Variants in GDAP2 observed in about 807,000 individuals in gnomAD.
The protein encoded by GDAP2 is ganglioside induced differentiation associated protein 2.
Under a neutral mutation model 67.0 loss-of-function variants are expected in GDAP2, and 51 were observed. The observed-to-expected ratio is 0.76, with a 90% CI of 0.61 to 0.96. The LOEUF is 0.96. Ranked by LOEUF, GDAP2 falls within the 40% of genes least tolerant of loss-of-function variation. GDAP2 has a pLI of 0.00. For missense variants in GDAP2, 547 were observed against 588.3 expected (o/e 0.93, Z 0.73); for synonymous variants, 203 against 207.3 (o/e 0.98, Z 0.18).
intron 3 of GDAP2, among the ~76,000 whole-genome samples, chr1:117,915,561 G>T (rs1357189683): frequency 6.6e-6 from 1 of 152,136 alleles, no homozygotes; most frequent in Admixed American, 6.5e-5. Flanking sequence ...TGCTGAAGAA[G>T]GCAAATTGCA....
At chr1:117,875,564 C>T (rs1006739884) in intron 13 of GDAP2, among the ~76,000 whole-genome samples, 3 of 152,180 alleles carry the variant, frequency 2.0e-5, no homozygotes, top group Admixed American at 6.5e-5. Context: ...CCCGTCCAGA[C>T]CCAGAATTTC....
chr1:117,908,409 C>T (rs943864738), intron 5 of GDAP2, among the ~76,000 whole-genome samples: 1 of 152,160 alleles, frequency 6.6e-6, no homozygotes, highest in Non-Finnish European at 1.5e-5. Context: ...CCTAACAGAG[C>T]AAACCTATTT....
At chr1:117,882,915 A>G (rs1287223921) in intron 11 of GDAP2, 6 of 152,324 alleles carry the variant, frequency 3.9e-5, no homozygotes, top group Non-Finnish European at 1.5e-5. Flanking sequence ...AAAAAAAAAT[A>G]AGAAAAAATG....
rs140808499 is a variant in GDAP2 at position 117,906,855 on chromosome 1, A to C, written c.560-273T>G. 2.7e-3 allele frequency among the ~76,000 whole-genome samples: 407 copies of C among 152,338 alleles called. 4 individuals carry two copies. In the East Asian group the frequency reaches 0.033, roughly 12 times the overall value. ...TCTCCGCCTCATTCACTAGAATGAA[A>C]GCTCCATAAAGAAGATGCTTTATTG... On this transcript the variant is annotated intron_variant, in intron 5 of 13. Coordinates refer to ENST00000369443, the MANE Select transcript of GDAP2 (RefSeq NM_017686.4).
chr1:117,922,829 G>C (rs551514444), intron 1 of GDAP2, among the ~76,000 whole-genome samples: 6 of 152,170 alleles, frequency 3.9e-5, no homozygotes, highest in Non-Finnish European at 7.3e-5. Flanking sequence ...GCAGAGAACC[G>C]GTCTGACTAG....
chr1:117,886,576 C>T lies in GDAP2; in HGVS notation c.1107+1G>A, dbSNP rs1648861791. On this transcript the variant is annotated splice_donor_variant, in intron 10 of 13. Transcript: ENST00000369443. LOFTEE classifies it high-confidence loss of function. Reference sequence around the variant, plus strand: ...TAAAACAGAGCCTTTTTATGGCTTACCTTGTCCATATCTATTAATGTTACA... The same window carrying T: ...TAAAACAGAGCCTTTTTATGGCTTATCTTGTCCATATCTATTAATGTTACA... 1.3e-6 allele frequency: 2 copies of T among 1,492,044 alleles called. No individual in the cohort carries two copies. The highest frequency in any genetic ancestry group is 1.9e-6 in the Non-Finnish European group (2 of 1,069,142). 92.4% of individuals were successfully genotyped at this position (1,492,044 alleles called of 1,614,324 possible). A position where few individuals can be genotyped will look rare whatever the true frequency, so the allele number is the denominator to read the frequency against.
intron 1 of GDAP2, among the ~76,000 whole-genome samples, chr1:117,922,295 G>A (rs1263045213): frequency 6.6e-6 from 1 of 152,150 alleles, no homozygotes; most frequent in African/African-American, 2.4e-5. Flanking sequence ...AAACTTAGAG[G>A]CTGGAAAGAG....
intron 1 of GDAP2, among the ~76,000 whole-genome samples, chr1:117,922,553 A>G (rs939878619): frequency 6.6e-6 from 1 of 152,212 alleles, no homozygotes; most frequent in Non-Finnish European, 1.5e-5. Flanking sequence ...ATAAAGGGAA[A>G]GAGTACAAAA....
rs750429835 is a variant in GDAP2, at chr1:117,899,146, T to C, written c.707A>G (p.Tyr236Cys). ...TGCATTTCCAATATCTGCAGGTAGG[T>C]AGGGCAATGATCGATTCTCCTCTTT... Reference protein sequence around the residue: ...SLKEENRSLPYLPADIGNAEG... With the variant: ...SLKEENRSLPCLPADIGNAEG... Residue 236 changes from tyrosine to cysteine, a missense_variant, in exon 7 of 14, where the codon TAC becomes TGC. Transcript: ENST00000369443. The C allele has an allele frequency of 9.3e-6, 15 of 1,609,968 alleles. No individual in the cohort carries two copies. The highest frequency in any genetic ancestry group is 3.3e-4 in the Middle Eastern group (2 of 6,052).
At chr1:117,881,333 C>T (rs993134594) in intron 12 of GDAP2, among the ~76,000 whole-genome samples, 2 of 151,994 alleles carry the variant, frequency 1.3e-5, no homozygotes, top group Admixed American at 1.3e-4. Context: ...ATATTCTAGC[C>T]CTCATGGATC....
intron 1 of GDAP2, among the ~76,000 whole-genome samples, chr1:117,927,012 A>AC (rs1209066191): frequency 6.6e-6 from 1 of 151,796 alleles, no homozygotes; most frequent in Non-Finnish European, 1.5e-5. Flanking sequence ...TAAAAAAAAA[A>AC]AGGCTCTTGA....
intron 13 of GDAP2, chr1:117,877,652 C>T (rs1648509724): frequency 9.9e-7 from 1 of 1,011,100 alleles, no homozygotes; most frequent in African/African-American, 1.7e-5. Flanking sequence ...AAGTGATCAC[C>T]AATAAATTCT....
intron 8 of GDAP2, among the ~76,000 whole-genome samples, chr1:117,891,277 ATGATTGCTCT>A (rs1649074832): frequency 6.6e-6 from 1 of 151,504 alleles, no homozygotes; most frequent in Admixed American, 6.6e-5. Context: ...ATACATGTGC[ATGATTGCTCT>A]TGAGTAGGTA....
intron 8 of GDAP2, among the ~76,000 whole-genome samples, chr1:117,894,335 G>GT (rs1227282562): frequency 6.6e-6 from 1 of 152,094 alleles, no homozygotes; most frequent in Non-Finnish European, 1.5e-5. Context: ...TTAGGAGGCT[G>GT]TAAGTTTAAA....
At chr1:117,914,407 A>G (rs1185340365) in intron 3 of GDAP2, among the ~76,000 whole-genome samples, 1 of 152,218 alleles carries the variant, frequency 6.6e-6, no homozygotes, top group Non-Finnish European at 1.5e-5. Context: ...CAGAAAATAA[A>G]ACAAAAATAA....
intron 6 of GDAP2, 107 bp downstream of exon 6, chr1:117,906,396 GATC>G (rs1351770407): frequency 3.0e-6 from 2 of 659,352 alleles, no homozygotes; most frequent in African/African-American, 3.6e-5. Context: ...TACATACATA[GATC>G]ATTAGGATTT....
intron 1 of GDAP2, among the ~76,000 whole-genome samples, chr1:117,921,194 T>C (rs768757653): frequency 7.9e-5 from 12 of 152,140 alleles, no homozygotes; most frequent in Non-Finnish European, 4.4e-5. Context: ...ATCTTTGTAT[T>C]GTGTCACTGC....
At chr1:117,873,274 T>A (rs1648348292) in intron 13 of GDAP2, among the ~76,000 whole-genome samples, 2 of 152,208 alleles carry the variant, frequency 1.3e-5, no homozygotes, top group South Asian at 4.1e-4. Context: ...TGAAATGGTC[T>A]CAGTATCATT....
At chr1:117,900,063 C>T (rs1649398893) in intron 6 of GDAP2, among the ~76,000 whole-genome samples, 1 of 151,940 alleles carries the variant, frequency 6.6e-6, no homozygotes, top group South Asian at 2.1e-4. Context: ...TATAAAAAAA[C>T]TGAGATACAA....
Sources: gnomAD v4.1 joint callset for allele counts (sites outside exome capture counted in the v4.1 genomes callset) on GRCh38, gnomAD v4.1.1 for gene constraint, MANE v1.5 for transcripts, NCBI Gene and HGNC (gene_info 2026-07-23, HGNC 2026-07-21) for gene names.